The following FASN variants were observed in gnomAD, a reference collection of about 807,000 sequenced individuals.
FASN encodes the protein fatty acid synthase.
Under a neutral mutation model 250.0 loss-of-function variants are expected in FASN, and 50 were observed. The observed-to-expected ratio is 0.20, with a 90% CI of 0.16 to 0.25. The LOEUF (loss-of-function observed/expected upper bound fraction) is 0.25. Ranked by LOEUF, FASN falls within the 10% of genes least tolerant of loss-of-function variation. FASN has a pLI of 1.00. For missense variants in FASN, 3,031 were observed against 3,498.5 expected, an observed-to-expected ratio of 0.87 and a Z score of 3.37; for synonymous variants, 1,909 against 1,584.0, an observed-to-expected ratio of 1.21 and a Z score of -4.87.
At position 82,091,370 on chromosome 17, in the gene FASN, C is replaced by G. The variant is rs746316862; in HGVS notation, c.1344G>C (p.Leu448=). Residue 448 remains leucine (L), a synonymous_variant, in exon 9 of 43, where the codon CTG becomes CTC. Transcript: ENST00000306749. ...LEQGLRHSQD[L]AFLSMLNDIA... ...TGTCGTTCAGCATGCTCAGGAAAGC[C>G]AGGTCCTGGCTGTGCCGGAGGCCCT... 14 of 1,611,036 alleles carry G rather than the reference C, an allele frequency of 8.7e-6. No homozygotes were observed. The highest frequency in any genetic ancestry group is 2.2e-5 in the South Asian group (2 of 90,876).
At chr17:82,090,291 AGG>A in intron 11 of FASN, 82 bp downstream of exon 11, 1 of 1,386,284 alleles carries the variant, frequency 7.2e-7, no homozygotes, top group Non-Finnish European at 9.8e-7. Flanking sequence ...TACGGGGGCC[AGG>A]CCAGGGCTGC....
At position 82,085,291 on chromosome 17, in the gene FASN, G is replaced by A; in HGVS notation, c.4234C>T (p.Pro1412Ser). 1.2e-6 allele frequency: 2 copies of A among 1,611,528 alleles called. No homozygotes were observed. Among genetic ancestry groups the A allele is most frequent in the Non-Finnish European group, 1.7e-6 (2 of 1,179,526 alleles). The part of the protein sequence containing the change: ...LCRRPTPQDS[P>S]IFLPVDDTSF... ...GTATCGTCCACCGGCAGGAAGATGG[G>A]GCTGTCCTGCGGGGTGGGCCGGCGG... Residue 1412 changes from proline (P) to serine (S), a missense_variant, in exon 24 of 43, where the codon CCC becomes TCC. Coordinates refer to ENST00000306749, the MANE Select transcript of FASN (RefSeq NM_004104.5).
At chr17:82,082,796 G>T in intron 33 of FASN, 118 bp from the exon 34 acceptor site, 2 of 1,541,748 alleles carry the variant, frequency 1.3e-6, no homozygotes, top group East Asian at 4.7e-5. Context: ...CCCACAAGAT[G>T]GAGGGGGACA....
At chr17:82,096,110 G>A (rs2034298221) in intron 2 of FASN, among the ~76,000 whole-genome samples, 1 of 152,252 alleles carries the variant, frequency 6.6e-6, no homozygotes, top group South Asian at 2.1e-4. Context: ...GGCAGGCTGG[G>A]CGCATTTTCT....
At position 82,079,269 on chromosome 17, in the gene FASN, C is replaced by T; in HGVS notation, c.7410G>A (p.Gly2470=). The stretch of plus-strand genomic sequence containing the variant: ...CCTCGATGACGTGGACGGATACTTT[C>T]CCGTCGCATACCTGCAGGGGATGCG... The part of the protein sequence containing the change: ...ADYNLSQVCD[G]KVSVHVIEGD... The change falls in exon 43 of 43, where the codon GGG becomes GGA. Residue 2470 remains glycine (G), a synonymous_variant. Transcript: ENST00000306749. 6.2e-7 allele frequency: 1 copy of T among 1,613,100 alleles called. No homozygotes were observed. The highest frequency in any genetic ancestry group is 8.5e-7 in the Non-Finnish European group (1 of 1,179,992).
At position 82,086,519 on chromosome 17, in the gene FASN, C is replaced by T. The variant is rs769216044; in HGVS notation, c.3467G>A (p.Gly1156Glu). 1 of 1,612,338 alleles carries T rather than the reference C, an allele frequency of 6.2e-7. No individual in the cohort carries two copies. Among genetic ancestry groups the T allele is most frequent in the Non-Finnish European group, 8.5e-7 (1 of 1,179,976 alleles). ...QALQTKVTQQ[G>E]LKMVVPGLDG... ...CAGTCCGGGCACCACCATCTTCAGC[C>T]CCTGCTGGGTCACCTTGGTCTGCAG... Residue 1156 changes from glycine (G) to glutamate (E), a missense_variant, in exon 22 of 43, where the codon GGG becomes GAG. Gly to Glu is a moderately conservative substitution (Grantham distance 98, BLOSUM62 -2). Coordinates refer to ENST00000306749, the MANE Select transcript of FASN (RefSeq NM_004104.5).
chr17:82,084,081 C>A lies in FASN; in HGVS notation c.4992G>T (p.Arg1664=), dbSNP rs2034042521. The A allele has an allele frequency of 4.5e-6, 7 of 1,557,356 alleles. No individual in the cohort carries two copies. In the South Asian group the frequency reaches 8.2e-5, roughly 18 times the overall value. Residue 1664 remains arginine, a synonymous_variant, in exon 29 of 43, where the codon CGG becomes CGT. Coordinates refer to ENST00000306749, the MANE Select transcript of FASN (RefSeq NM_004104.5). ...TGAGCAGCGTCTCCCCGGGGCGCAC[C>A]CGCCCACGCACCACCAGCGCGTAGT... ...TAYYALVVRG[R]VRPGETLLIH... is the part of the protein sequence containing the mutation.
At chr17:82,095,803 G>A (rs1192414718) in intron 2 of FASN, among the ~76,000 whole-genome samples, 3 of 152,226 alleles carry the variant, frequency 2.0e-5, no homozygotes, top group Non-Finnish European at 2.9e-5. Flanking sequence ...CAGCTTGCCT[G>A]TCAGGTAGAG....
At chr17:82,081,070 G>C in intron 38 of FASN, 94 bp downstream of exon 38, 3 of 1,469,520 alleles carry the variant, frequency 2.0e-6, no homozygotes, top group Non-Finnish European at 2.8e-6. Context: ...CCGTGACGAA[G>C]GGCGGTATGC....
At chr17:82,079,890 T>C (rs2033957081) in intron 41 of FASN, 2 of 624,738 alleles carry the variant, frequency 3.2e-6, no homozygotes, top group Non-Finnish European at 5.6e-6. Flanking sequence ...GTATTTTTAG[T>C]AGAGAAGGGG....
chr17:82,094,283 C>T (rs2034267389), intron 3 of FASN: 2 of 221,384 alleles, frequency 9.0e-6, no homozygotes, highest in Non-Finnish European at 1.8e-5. Flanking sequence ...CCCCGGGGAG[C>T]ATAACCTTAG....
intron 1 of FASN, chr17:82,097,237 C>T (rs1472449936): frequency 6.5e-6 from 1 of 152,970 alleles, no homozygotes; most frequent in Non-Finnish European, 1.5e-5. Flanking sequence ...AACCCACAGA[C>T]GCTTGCCTCC....
chr17:82,092,852 G>C, intron 6 of FASN, 40 bp from the exon 7 acceptor site: 3 of 1,585,058 alleles, frequency 1.9e-6, no homozygotes, highest in African/African-American at 1.3e-5. Context: ...CCCAGCCCCG[G>C]CTCCCACCTG....
chr17:82,086,907 C>A, intron 21 of FASN, 143 bp downstream of exon 21: 1 of 876,336 alleles, frequency 1.1e-6, no homozygotes, highest in Non-Finnish European at 1.8e-6. Flanking sequence ...AGGCCGCCAT[C>A]GTGAGCTCCG....
At chr17:82,096,550 G>A in intron 1 of FASN, 98 bp from the exon 2 acceptor site, 2 of 1,569,564 alleles carry the variant, frequency 1.3e-6, no homozygotes. Flanking sequence ...ATGGGGCCAA[G>A]CACCACCCTG....
intron 37 of FASN, 123 bp from the exon 38 acceptor site, chr17:82,081,475 A>C (rs1171078699): frequency 1.3e-6 from 2 of 1,581,064 alleles, no homozygotes; most frequent in Non-Finnish European, 1.7e-6. Context: ...CCACAGTGAC[A>C]CCTGCGCCCG....
rs1304684864 is a variant in FASN at position 82,084,662 on chromosome 17, TC to T, written c.4618del (p.Asp1540ThrfsTer60). On this transcript the variant is annotated frameshift_variant, in exon 27 of 43. Transcript: ENST00000306749. LOFTEE classifies it high-confidence loss of function. Reference sequence around the variant, plus strand: ...GCAGACCCAGCGGATGGAGGACAGGTCCCCCCGGGTGAGGGTGCTCACAAAG... The same window carrying T: ...GCAGACCCAGCGGATGGAGGACAGGTCCCCCGGGTGAGGGTGCTCACAAAG... ...HAFVSTLTRGDLSSIRWVCSS... is the reference protein window; with the variant it reads ...HAFVSTLTRGXLSSIRWVCSS... 6.3e-7 allele frequency: 1 copy of T among 1,588,946 alleles called. No individual in the cohort carries two copies. The highest frequency in any genetic ancestry group is 2.3e-5 in the East Asian group (1 of 43,734).
rs1329855177 is a variant in FASN at position 82,091,430 on chromosome 17, T to C, written c.1284A>G (p.Gly428=). The change falls in exon 9 of 43, where the codon GGA becomes GGG. Residue 428 remains glycine (G), a synonymous_variant. Transcript: ENST00000306749. ...ATLPRLLRAS[G]RTPEAVQKLL... ...GCTTCTGCACGGCCTCAGGGGTGCG[T>C]CCGCTGGCCCGCAGCAGACGGGGCA... 1.2e-6 allele frequency: 2 copies of C among 1,607,682 alleles called. No individual in the cohort carries two copies. The highest frequency in any genetic ancestry group is 8.5e-7 in the Non-Finnish European group (1 of 1,177,810).
Position 82,079,737 on chromosome 17 carries a change from G to A in FASN, c.7147-129C>T, listed in dbSNP as rs1466366056. The A allele has an allele frequency of 3.0e-6, 4 of 1,316,464 alleles. No homozygotes were observed. The East Asian group carries it at 7.6e-5, about 25-fold the overall frequency. The allele number at this position is 1,316,464 out of a possible 1,614,324, so 81.5% of individuals were successfully genotyped here. On this transcript the variant is annotated intron_variant, in intron 41 of 42. Coordinates refer to ENST00000306749, the MANE Select transcript of FASN (RefSeq NM_004104.5). ...TTGTTACCCAGGCTAGATGGAGTGG[G>A]GCGATCTCAGCTCACCGCAACCTCC... is the stretch of plus-strand genomic sequence containing the variant.
Sources: gnomAD v4.1 joint callset for allele counts (sites outside exome capture counted in the v4.1 genomes callset) on GRCh38, gnomAD v4.1.1 for gene constraint, MANE v1.5 for transcripts, NCBI Gene and HGNC (gene_info 2026-07-23, HGNC 2026-07-21) for gene names.